Variants in RSU1 observed in about 807,000 individuals in gnomAD.
RSU1 encodes the protein rsu-1.
In RSU1, 26 loss-of-function variants were observed where a neutral mutation model predicts 31.1. That is an observed-to-expected ratio of 0.84 (90% CI 0.61 to 1.16). RSU1 has a LOEUF of 1.16. Among genes scored for constraint, RSU1 ranks in the 50% most tolerant of loss-of-function variants. The probability of loss-of-function intolerance (pLI) is 0.00; values close to 1 mark genes in which losing one functional copy is unlikely to be tolerated. For synonymous variants in RSU1, 164 were observed against 136.3 expected, an observed-to-expected ratio of 1.20 and a Z score of -1.41; for missense variants, 320 against 339.1, an observed-to-expected ratio of 0.94 and a Z score of 0.44.
Position 16,736,558 on chromosome 10 carries a change from T to C in RSU1, c.598+15981A>G, listed in dbSNP as rs1195081632. Among the ~76,000 whole-genome samples, 6 of 151,266 alleles carry C rather than the reference T, an allele frequency of 4.0e-5. No homozygotes were observed. In the East Asian group the frequency reaches 9.7e-4, roughly 25 times the overall value. ...TGCTAGAATGAAACCCAACAGACCA[T>C]AAAAAAAGACAAAAAGAATTCATAC... On this transcript the variant is annotated intron_variant, in intron 7 of 8. Coordinates refer to ENST00000345264, the MANE Select transcript of RSU1 (RefSeq NM_012425.4).
intron 8 of RSU1, among the ~76,000 whole-genome samples, chr10:16,693,862 T>TA (rs1213207805): frequency 2.6e-5 from 4 of 151,898 alleles, no homozygotes; most frequent in Non-Finnish European, 4.4e-5. Context: ...CCCTGTCTCT[T>TA]AAAAAAAATT....
intron 7 of RSU1, among the ~76,000 whole-genome samples, chr10:16,725,981 A>G (rs779360139): frequency 4.6e-5 from 7 of 151,778 alleles, no homozygotes; most frequent in Non-Finnish European, 1.0e-4. Context: ...ATACAGTTAT[A>G]TATGTATAAA....
At chr10:16,648,460 G>A (rs1834618185) in intron 8 of RSU1, among the ~76,000 whole-genome samples, 1 of 152,106 alleles carries the variant, frequency 6.6e-6, no homozygotes, top group Non-Finnish European at 1.5e-5. Flanking sequence ...CATTGCCTAC[G>A]AAGATAGGTC....
intron 7 of RSU1, among the ~76,000 whole-genome samples, chr10:16,744,625 G>A (rs181768213): frequency 6.6e-6 from 1 of 152,268 alleles, no homozygotes. Flanking sequence ...AGAATTGAAT[G>A]AATGGGTGAA....
intron 8 of RSU1, among the ~76,000 whole-genome samples, chr10:16,640,672 G>A (rs1243886380): frequency 6.6e-6 from 1 of 152,202 alleles, no homozygotes; most frequent in Non-Finnish European, 1.5e-5. Context: ...TTTCTCTGCT[G>A]GGAATGCCTT....
At chr10:16,774,428 G>C (rs554185302) in intron 3 of RSU1, among the ~76,000 whole-genome samples, 1 of 152,152 alleles carries the variant, frequency 6.6e-6, no homozygotes, top group South Asian at 2.1e-4. Flanking sequence ...AAACTAGCTG[G>C]GCATGGCAGT....
intron 8 of RSU1, among the ~76,000 whole-genome samples, chr10:16,682,045 C>T (rs969938540): frequency 6.6e-6 from 1 of 152,110 alleles, no homozygotes; most frequent in African/African-American, 2.4e-5. Flanking sequence ...GCTTTAACTA[C>T]ATGAGAAGAG....
At chr10:16,738,755 G>A (rs1419520652) in intron 7 of RSU1, among the ~76,000 whole-genome samples, 7 of 152,080 alleles carry the variant, frequency 4.6e-5, no homozygotes, top group South Asian at 2.1e-4. Flanking sequence ...GGTTTGTTAC[G>A]TACATATACA....
intron 7 of RSU1, among the ~76,000 whole-genome samples, chr10:16,699,201 C>T (rs1835738576): frequency 6.6e-6 from 1 of 152,182 alleles, no homozygotes; most frequent in African/African-American, 2.4e-5. Context: ...AGAACTGGGA[C>T]TTGCTGTAAT....
chr10:16,706,178 A>G (rs745598311), intron 7 of RSU1, among the ~76,000 whole-genome samples: 5 of 152,150 alleles, frequency 3.3e-5, no homozygotes, highest in Non-Finnish European at 4.4e-5. Flanking sequence ...GCTGGGTCGT[A>G]TGGTAGTTTT....
At chr10:16,663,849 C>T (rs975868408) in intron 8 of RSU1, among the ~76,000 whole-genome samples, 1 of 152,100 alleles carries the variant, frequency 6.6e-6, no homozygotes. Flanking sequence ...TGAAATCCAC[C>T]CTCTTTTCAG....
intron 8 of RSU1, among the ~76,000 whole-genome samples, chr10:16,621,881 A>C (rs1834077415): frequency 6.6e-6 from 1 of 152,172 alleles, no homozygotes; most frequent in Non-Finnish European, 1.5e-5. Flanking sequence ...CTATGTATGT[A>C]ATTTTATTGA....
chr10:16,603,710 G>T (rs765537736), intron 8 of RSU1, among the ~76,000 whole-genome samples: 6 of 152,164 alleles, frequency 3.9e-5, no homozygotes, highest in Non-Finnish European at 5.9e-5. Context: ...CAAGGGCAAT[G>T]GTAAGTTACT....
At chr10:16,605,961 AT>A (rs937735486) in intron 8 of RSU1, among the ~76,000 whole-genome samples, 2 of 151,338 alleles carry the variant, frequency 1.3e-5, no homozygotes, top group East Asian at 3.9e-4. Flanking sequence ...ACCATGCCTA[AT>A]TTTTTTTCAT....
chr10:16,628,286 A>G (rs1035631688), intron 8 of RSU1, among the ~76,000 whole-genome samples: 1 of 152,236 alleles, frequency 6.6e-6, no homozygotes, highest in African/African-American at 2.4e-5. Flanking sequence ...TTCTGTAAGA[A>G]TATCAGCGCA....
chr10:16,778,308 G>C (rs1837579762), intron 3 of RSU1, among the ~76,000 whole-genome samples: 1 of 152,100 alleles, frequency 6.6e-6, no homozygotes, highest in Non-Finnish European at 1.5e-5. Flanking sequence ...ATCTACTCAA[G>C]TCCCTATACC....
chr10:16,803,889 A>C (rs1329313035), intron 2 of RSU1, among the ~76,000 whole-genome samples: 2 of 152,226 alleles, frequency 1.3e-5, no homozygotes, highest in African/African-American at 4.8e-5. Flanking sequence ...TAGATATAAC[A>C]AAGGAGAAAA....
intron 2 of RSU1, among the ~76,000 whole-genome samples, chr10:16,798,092 C>T (rs1838079111): frequency 6.6e-6 from 1 of 151,928 alleles, no homozygotes; most frequent in African/African-American, 2.4e-5. Context: ...GAACTCCTGA[C>T]CTCACCTGAT....
chr10:16,765,250 A>T (rs1386817118), intron 3 of RSU1, among the ~76,000 whole-genome samples: 1 of 152,188 alleles, frequency 6.6e-6, no homozygotes, highest in Non-Finnish European at 1.5e-5. Flanking sequence ...ATTAATAACA[A>T]TATAAGCTCA....
Sources: gnomAD v4.1 joint callset for allele counts (sites outside exome capture counted in the v4.1 genomes callset) on GRCh38, gnomAD v4.1.1 for gene constraint, MANE v1.5 for transcripts, NCBI Gene and HGNC (gene_info 2026-07-23, HGNC 2026-07-21) for gene names.